The following TEKT5 variants were observed in gnomAD, a reference collection of about 807,000 sequenced individuals.
The protein encoded by TEKT5 is tektin-5.
In TEKT5, 52 loss-of-function variants were observed where a neutral mutation model predicts 48.7. That is an observed-to-expected ratio of 1.07 (90% CI 0.86 to 1.35). The LOEUF (loss-of-function observed/expected upper bound fraction) is 1.35. Among genes scored for constraint, TEKT5 ranks in the 40% most tolerant of loss-of-function variants. The pLI is 0.00. For missense variants in TEKT5, 831 were observed against 641.6 expected (o/e 1.30, Z -3.19); for synonymous variants, 318 against 267.6 (o/e 1.19, Z -1.84).
chr16:10,659,532 A>C (rs1314881210), intron 5 of TEKT5, among the ~76,000 whole-genome samples: 1 of 152,030 alleles, frequency 6.6e-6, no homozygotes, highest in East Asian at 1.9e-4. Flanking sequence ...GGTGCCCACC[A>C]CCACACTTGG....
At chr16:10,667,484 C>T (rs754294700) in intron 5 of TEKT5, among the ~76,000 whole-genome samples, 10 of 152,320 alleles carry the variant, frequency 6.6e-5, no homozygotes, top group East Asian at 1.9e-4. Flanking sequence ...ACCTGACTTC[C>T]GTCTTCTGTG....
chr16:10,653,512 A>G (rs1898205038), intron 5 of TEKT5, among the ~76,000 whole-genome samples: 3 of 152,114 alleles, frequency 2.0e-5, no homozygotes, highest in Admixed American at 2.0e-4. Context: ...ATGGATCACA[A>G]CCTCTCTGTG....
At chr16:10,640,220 G>T (rs78472973) in intron 5 of TEKT5, among the ~76,000 whole-genome samples, 3,341 of 149,448 alleles carry the variant, frequency 0.022, 128 homozygotes, top group African/African-American at 0.079. Context: ...ATGGCTCACT[G>T]CAACCTCTGC....
intron 5 of TEKT5, among the ~76,000 whole-genome samples, chr16:10,661,427 C>A (rs1898368120): frequency 6.6e-6 from 1 of 152,198 alleles, no homozygotes; most frequent in Non-Finnish European, 1.5e-5. Context: ...AGCACAGAAT[C>A]TACATTTTTA....
intron 6 of TEKT5, among the ~76,000 whole-genome samples, chr16:10,635,404 G>A (rs1233475960): frequency 6.6e-6 from 1 of 152,122 alleles, no homozygotes; most frequent in Non-Finnish European, 1.5e-5. Context: ...GAAGCCTGGA[G>A]AGAGAAGGTA....
Position 10,675,947 on chromosome 16 carries a change from G to A in TEKT5, c.1086+12C>T. ...GGCAGAGAAGGCAGGGGTCCTGGGAGGATCTGCTCACCTTCGCCAGCTGCG... is the reference window on the plus strand; with the variant it reads ...GGCAGAGAAGGCAGGGGTCCTGGGAAGATCTGCTCACCTTCGCCAGCTGCG... On this transcript the variant is annotated intron_variant, in intron 5 of 6. Transcript: ENST00000283025. The A allele has an allele frequency of 6.2e-7, 1 of 1,613,526 alleles. No individual in the cohort carries two copies.
chr16:10,655,102 G>GA (rs1244412840), intron 5 of TEKT5, among the ~76,000 whole-genome samples: 4 of 152,048 alleles, frequency 2.6e-5, no homozygotes, highest in Admixed American at 2.0e-4. Flanking sequence ...TATTGCTGGA[G>GA]AAAAAACTGC....
intron 5 of TEKT5, among the ~76,000 whole-genome samples, chr16:10,636,810 C>CCAT (rs1242239643): frequency 1.5e-5 from 2 of 130,572 alleles, no homozygotes; most frequent in Non-Finnish European, 3.1e-5. Context: ...TATGTATTTT[C>CCAT]CATTATTATT....
intron 3 of TEKT5, among the ~76,000 whole-genome samples, chr16:10,686,101 GAAGA>G (rs1898858092): frequency 6.6e-6 from 1 of 152,112 alleles, no homozygotes; most frequent in African/African-American, 2.4e-5. Context: ...AAAATAACTG[GAAGA>G]AAGAACAGAA....
In TEKT5 at chr16:10,694,712, G is replaced by A. The variant is rs967151081; in HGVS notation, c.162C>T (p.Leu54=). Residue 54 remains leucine (L), a synonymous_variant, in exon 1 of 7, where the codon CTC becomes CTT. Coordinates refer to ENST00000283025, the MANE Select transcript of TEKT5 (RefSeq NM_144674.2). Reference sequence around the variant, plus strand: ...TCTGGACGTTGGCTATCTTGTAGAAGAGGCTAGGCCTCCATGAATTGAGGT... The same window carrying A: ...TCTGGACGTTGGCTATCTTGTAGAAAAGGCTAGGCCTCCATGAATTGAGGT... ...YRYLNSWRPS[L]FYKIANVQTC... The A allele has an allele frequency of 6.2e-7, 1 of 1,613,966 alleles. No homozygotes were observed. Among genetic ancestry groups the A allele is most frequent in the Non-Finnish European group, 8.5e-7 (1 of 1,179,910 alleles).
intron 4 of TEKT5, among the ~76,000 whole-genome samples, chr16:10,681,228 T>C (rs1312683786): frequency 5.3e-5 from 8 of 152,156 alleles, no homozygotes; most frequent in Non-Finnish European, 1.0e-4. Flanking sequence ...ACCTTTTTCA[T>C]ACTCCCAGCA....
At chr16:10,670,618 T>C (rs1898534288) in intron 5 of TEKT5, among the ~76,000 whole-genome samples, 1 of 152,224 alleles carries the variant, frequency 6.6e-6, no homozygotes, top group African/African-American at 2.4e-5. Context: ...AATTCCTTTA[T>C]TATTTTAGAA....
rs185977164 is a variant in TEKT5 at position 10,666,765 on chromosome 16, A to G, written c.1086+9194T>C. Among the ~76,000 whole-genome samples, 460 of 152,284 alleles carry G rather than the reference A, an allele frequency of 3.0e-3. 4 individuals carry two copies. The highest frequency in any genetic ancestry group is 9.9e-3 in the African/African-American group (412 of 41,564). On this transcript the variant is annotated intron_variant, in intron 5 of 6. Coordinates refer to ENST00000283025, the MANE Select transcript of TEKT5 (RefSeq NM_144674.2). ...AAGGCGTGAGAACTGTGTCTCGTCA[A>G]AAGTGCCCTTGCAACCTGGTCATCC... is the stretch of plus-strand genomic sequence containing the variant.
At chr16:10,685,380 ACCTCCG>A (rs1308785476) in intron 3 of TEKT5, among the ~76,000 whole-genome samples, 1 of 150,626 alleles carries the variant, frequency 6.6e-6, no homozygotes, top group African/African-American at 2.5e-5. Context: ...GCTCACTACA[ACCTCCG>A]CCTCTTGGGT....
At position 10,686,957 on chromosome 16, in the gene TEKT5, T is replaced by C. The variant is rs558395061; in HGVS notation, c.719+2296A>G. 2.2e-4 allele frequency among the ~76,000 whole-genome samples: 34 copies of C among 152,278 alleles called. 1 individual carries two copies. Among genetic ancestry groups the C allele is most frequent in the Non-Finnish European group, 3.8e-4 (26 of 68,028 alleles). ...TGACAACATGGATAAGCCTATAGGA[T>C]ATAATGTAAAGTAAAATAAGTCAGG... On this transcript the variant is annotated intron_variant, in intron 3 of 6. Transcript: ENST00000283025.
intron 6 of TEKT5, among the ~76,000 whole-genome samples, chr16:10,632,418 C>A (rs2142255709): frequency 6.6e-6 from 1 of 152,160 alleles, no homozygotes; most frequent in African/African-American, 2.4e-5. Context: ...CTGCTTTAGC[C>A]TCCTAAGTAG....
intron 6 of TEKT5, among the ~76,000 whole-genome samples, chr16:10,631,350 G>A (rs1692379065): frequency 6.8e-6 from 1 of 147,834 alleles, no homozygotes; most frequent in South Asian, 2.2e-4. Flanking sequence ...GAAGCCATGG[G>A]GTGGGGGCGG....
At chr16:10,651,940 C>T (rs1001126042) in intron 5 of TEKT5, among the ~76,000 whole-genome samples, 4 of 152,018 alleles carry the variant, frequency 2.6e-5, no homozygotes, top group Non-Finnish European at 5.9e-5. Flanking sequence ...CCAGCCTGGG[C>T]AACAGAGCAA....
intron 5 of TEKT5, among the ~76,000 whole-genome samples, chr16:10,642,853 G>T (rs1409999042): frequency 1.3e-5 from 2 of 152,130 alleles, no homozygotes; most frequent in Non-Finnish European, 2.9e-5. Context: ...AAGGGTGGGG[G>T]ATAGAGAGTG....
Sources: gnomAD v4.1 joint callset for allele counts (sites outside exome capture counted in the v4.1 genomes callset) on GRCh38, gnomAD v4.1.1 for gene constraint, MANE v1.5 for transcripts, NCBI Gene and HGNC (gene_info 2026-07-23, HGNC 2026-07-21) for gene names.